The following ANKS1B variants were observed in gnomAD, a reference collection of about 807,000 sequenced individuals.
The protein encoded by ANKS1B is ankyrin repeat and sterile alpha motif domain-containing protein 1B.
ANKS1B carries 36 observed loss-of-function variants against 148.3 expected under a neutral mutation model. That is an observed-to-expected ratio of 0.24 (90% CI 0.19 to 0.32). ANKS1B has a LOEUF of 0.32. ANKS1B is among the 10% of genes least tolerant of loss of function. The probability of loss-of-function intolerance (pLI) is 1.00; values close to 1 mark genes in which losing one functional copy is unlikely to be tolerated. For missense variants in ANKS1B, 1,157 were observed against 1,542.6 expected (o/e 0.75, Z 4.19); for synonymous variants, 542 against 560.8 (o/e 0.97, Z 0.47).
At chr12:98,967,347 C>A (rs1159933992) in intron 17 of ANKS1B, among the ~76,000 whole-genome samples, 1 of 152,074 alleles carries the variant, frequency 6.6e-6, no homozygotes, top group Non-Finnish European at 1.5e-5. Context: ...TATCATTGAG[C>A]AGCTCTTTGC....
intron 1 of ANKS1B, among the ~76,000 whole-genome samples, chr12:99,850,227 T>C (rs961639186): frequency 1.3e-5 from 2 of 150,666 alleles, no homozygotes; most frequent in African/African-American, 4.9e-5. Flanking sequence ...ATTCAAAACA[T>C]GTTATCCCAA....
intron 11 of ANKS1B, among the ~76,000 whole-genome samples, chr12:99,434,129 A>C (rs981253814): frequency 6.6e-6 from 1 of 152,160 alleles, no homozygotes; most frequent in East Asian, 1.9e-4. Context: ...TACAGTAGGT[A>C]TACTATTCAT....
intron 1 of ANKS1B, among the ~76,000 whole-genome samples, chr12:99,904,477 C>G (rs1021642869): frequency 1.3e-5 from 2 of 152,208 alleles, no homozygotes; most frequent in Non-Finnish European, 2.9e-5. Context: ...CAGACATGAG[C>G]CACTGTGCCC....
intron 9 of ANKS1B, among the ~76,000 whole-genome samples, chr12:99,537,225 G>A (rs930824759): frequency 2.0e-4 from 30 of 152,104 alleles, no homozygotes; most frequent in African/African-American, 7.2e-4. Context: ...ATAAACATAG[G>A]AGTGCAGATA....
chr12:98,925,035 T>C (rs2099806245), intron 17 of ANKS1B, among the ~76,000 whole-genome samples: 1 of 152,190 alleles, frequency 6.6e-6, no homozygotes, highest in Non-Finnish European at 1.5e-5. Flanking sequence ...AAGTGACCTA[T>C]AACACACAAA....
chr12:99,046,147 A>G (rs2099962164), intron 17 of ANKS1B, among the ~76,000 whole-genome samples: 1 of 152,198 alleles, frequency 6.6e-6, no homozygotes, highest in South Asian at 2.1e-4. Context: ...GTGGTGGGGA[A>G]GTATTGTCAA....
intron 12 of ANKS1B, among the ~76,000 whole-genome samples, chr12:99,358,283 C>CCATACTTCAT (rs2092198297): frequency 6.6e-6 from 1 of 151,978 alleles, no homozygotes; most frequent in African/African-American, 2.4e-5. Context: ...AACACAAGAC[C>CCATACTTCAT]CATACTTCAT....
chr12:98,933,587 T>A (rs548300287), intron 17 of ANKS1B, among the ~76,000 whole-genome samples: 10 of 152,266 alleles, frequency 6.6e-5, no homozygotes, highest in Non-Finnish European at 1.5e-4. Context: ...CTGCTTTTCA[T>A]AGCAGCTATA....
intron 12 of ANKS1B, among the ~76,000 whole-genome samples, chr12:99,321,032 C>T (rs959942393): frequency 3.3e-5 from 5 of 152,160 alleles, no homozygotes; most frequent in African/African-American, 7.2e-5. Context: ...TATTGCAGAA[C>T]GGCACATGTT....
chr12:99,050,116 T>C (rs73140919), intron 17 of ANKS1B, among the ~76,000 whole-genome samples: 3 of 152,316 alleles, frequency 2.0e-5, no homozygotes, highest in Non-Finnish European at 2.9e-5. Context: ...CTATGCATTC[T>C]TAGTATAGGA....
chr12:98,777,033 A>C (rs1381678232), intron 24 of ANKS1B, among the ~76,000 whole-genome samples: 2 of 152,302 alleles, frequency 1.3e-5, no homozygotes, highest in Admixed American at 1.3e-4. Flanking sequence ...ACTCCAAAAA[A>C]ACTTAAATAA....
chr12:98,762,651 G>A (rs924049638), intron 25 of ANKS1B, among the ~76,000 whole-genome samples: 3 of 152,196 alleles, frequency 2.0e-5, no homozygotes, highest in East Asian at 1.9e-4. Flanking sequence ...GACTCACCTC[G>A]GGCATCATAT....
At chr12:99,872,492 G>A (rs2091640324) in intron 1 of ANKS1B, among the ~76,000 whole-genome samples, 1 of 152,038 alleles carries the variant, frequency 6.6e-6, no homozygotes. Flanking sequence ...TGCCCATCCA[G>A]GAACCTGAAA....
intron 1 of ANKS1B, among the ~76,000 whole-genome samples, chr12:99,826,593 G>A (rs1196531222): frequency 6.6e-6 from 1 of 152,218 alleles, no homozygotes; most frequent in Admixed American, 6.5e-5. Context: ...AATAAAAAAA[G>A]AGCAAAATCT....
intron 12 of ANKS1B, among the ~76,000 whole-genome samples, chr12:99,297,748 C>A (rs1011141712): frequency 3.9e-5 from 6 of 152,186 alleles, no homozygotes; most frequent in Middle Eastern, 3.4e-3. Context: ...GACTCACAGG[C>A]AACTCCAGAT....
intron 9 of ANKS1B, among the ~76,000 whole-genome samples, chr12:99,625,308 G>A (rs2098100882): frequency 6.6e-6 from 1 of 151,904 alleles, no homozygotes; most frequent in South Asian, 2.1e-4. Context: ...TGGGTGATAG[G>A]ATCAATCATA....
At chr12:99,280,150 T>C (rs961768926) in intron 12 of ANKS1B, among the ~76,000 whole-genome samples, 6 of 148,906 alleles carry the variant, frequency 4.0e-5, no homozygotes, top group African/African-American at 1.3e-4. Flanking sequence ...ACAGAACCAA[T>C]AGAGTCTGTG....
intron 11 of ANKS1B, among the ~76,000 whole-genome samples, chr12:99,415,503 AT>A (rs1475508944): frequency 6.6e-6 from 1 of 152,198 alleles, no homozygotes; most frequent in African/African-American, 2.4e-5. Flanking sequence ...AAATAGCTTA[AT>A]TTTTTAATTA....
chr12:99,589,633 G>A (rs561747732), intron 9 of ANKS1B, among the ~76,000 whole-genome samples: 5 of 152,174 alleles, frequency 3.3e-5, no homozygotes, highest in African/African-American at 9.6e-5. Flanking sequence ...ACTAACCTCT[G>A]TCCAATGATT....
Sources: gnomAD v4.1 joint callset for allele counts (sites outside exome capture counted in the v4.1 genomes callset) on GRCh38, gnomAD v4.1.1 for gene constraint, MANE v1.5 for transcripts, NCBI Gene and HGNC (gene_info 2026-07-23, HGNC 2026-07-21) for gene names.